The following USP46 variants were observed in gnomAD, a reference collection of about 807,000 sequenced individuals.
USP46 encodes the protein ubiquitin carboxyl-terminal hydrolase 46.
In USP46, 12 loss-of-function variants were observed where a neutral mutation model predicts 44.4. The observed-to-expected ratio is 0.27, with a 90% CI of 0.17 to 0.44. The LOEUF (loss-of-function observed/expected upper bound fraction) is 0.44, where lower values mean the gene tolerates loss of function less well. USP46 is among the 20% of genes least tolerant of loss of function. The pLI, the probability that USP46 is intolerant of heterozygous loss-of-function variation, is 1.00. For missense variants in USP46, 248 were observed against 444.8 expected (o/e 0.56, Z 3.98); for synonymous variants, 155 against 161.5 (o/e 0.96, Z 0.31).
Position 52,594,067 on chromosome 4 carries a change from T to C in USP46, c.*3573A>G, listed in dbSNP as rs1716130781. The C allele has an allele frequency of 6.6e-6, 1 of 152,246 alleles. No individual in the cohort carries two copies. Among genetic ancestry groups the C allele is most frequent in the Non-Finnish European group, 1.5e-5 (1 of 68,042 alleles). The allele number at this position is 152,246 out of a possible 1,614,324, so 9.4% of individuals were successfully genotyped here. ...ACATTTCCACTGCTTCAAAATTGTT[T>C]GTAATAATTACTTGGACATAAGACC... On this transcript the variant is annotated 3_prime_UTR_variant, in exon 9 of 9. Transcript: ENST00000441222.
intron 4 of USP46, among the ~76,000 whole-genome samples, chr4:52,616,160 A>G (rs1717137869): frequency 1.3e-5 from 2 of 152,220 alleles, no homozygotes; most frequent in African/African-American, 2.4e-5. Context: ...ACATCTGACA[A>G]TGTCTGGAAA....
intron 4 of USP46, among the ~76,000 whole-genome samples, chr4:52,614,683 A>T (rs1257754133): frequency 5.3e-5 from 8 of 152,246 alleles, no homozygotes; most frequent in Non-Finnish European, 1.0e-4. Context: ...TGAAATCCAG[A>T]TCCTTAAGAA....
chr4:52,598,173 A>T, intron 8 of USP46, among the ~76,000 whole-genome samples: 1 of 152,262 alleles, frequency 6.6e-6, no homozygotes, highest in East Asian at 1.9e-4. Context: ...TTTTATAACA[A>T]AATCAATACA....
chr4:52,595,082 C>T lies in USP46; in HGVS notation c.*2558G>A, dbSNP rs1190156580. 1.3e-5 allele frequency: 2 copies of T among 152,436 alleles called. No individual in the cohort carries two copies. The allele number at this position is 152,436 out of a possible 1,614,324, so 9.4% of individuals were successfully genotyped here. A position where few individuals can be genotyped will look rare whatever the true frequency, so the allele number is the denominator to read the frequency against. On this transcript the variant is annotated 3_prime_UTR_variant, in exon 9 of 9. Transcript: ENST00000441222. ...TTGTAACTTATTTTGTAACACCCAGCAGTTACAAGAAATACAGCAGGCCTA... is the reference window on the plus strand; with the variant it reads ...TTGTAACTTATTTTGTAACACCCAGTAGTTACAAGAAATACAGCAGGCCTA...
rs1560405923 is a variant in USP46, at chr4:52,632,961, AAAG to A, written c.37-1820_37-1818del. Among the ~76,000 whole-genome samples the A allele has an allele frequency of 5.8e-3, 473 of 80,890 alleles. 5 individuals are homozygous for A. Among genetic ancestry groups the A allele is most frequent in the African/African-American group, 0.026 (437 of 17,086 alleles). The allele number at this position is 80,890 out of a possible 152,430, so 53.1% of individuals were successfully genotyped here. Reference sequence around the variant, plus strand: ...GAAAGAAAGAAAGAAAGAAAGAAAGAAAGAAAGAAAGAAAGAAAGAAAGAAAAG... The same window carrying A: ...GAAAGAAAGAAAGAAAGAAAGAAAGAAAAGAAAGAAAGAAAGAAAGAAAAG... On this transcript the variant is annotated intron_variant, in intron 1 of 8. Transcript: ENST00000441222.
intron 1 of USP46, among the ~76,000 whole-genome samples, chr4:52,639,960 C>T (rs377411007): frequency 6.7e-6 from 1 of 150,186 alleles, no homozygotes; most frequent in African/African-American, 2.5e-5. Context: ...TCCCCTTGAC[C>T]TCCTAAAGTG....
At chr4:52,620,049 C>T (rs1160058544) in intron 4 of USP46, among the ~76,000 whole-genome samples, 1 of 152,158 alleles carries the variant, frequency 6.6e-6, no homozygotes, top group Non-Finnish European at 1.5e-5. Flanking sequence ...ATAACAAATA[C>T]TACAGTATCA....
At chr4:52,601,374 C>T (rs747674197) in intron 7 of USP46, among the ~76,000 whole-genome samples, 33 of 152,190 alleles carry the variant, frequency 2.2e-4, no homozygotes, top group Non-Finnish European at 4.3e-4. Flanking sequence ...ATACTTATTA[C>T]AGAATGTTGG....
Position 52,632,922 on chromosome 4 carries a change from A to AAGAAAGAAAGAAAGAG in USP46, c.37-1779_37-1778insCTCTTTCTTTCTTTCT, listed in dbSNP as rs1344275966. Among the ~76,000 whole-genome samples, 27 of 50,390 alleles carry AAGAAAGAAAGAAAGAG rather than the reference A, an allele frequency of 5.4e-4. 1 individual carries two copies. The highest frequency in any genetic ancestry group is 7.3e-5 in the Non-Finnish European group (2 of 27,234). The allele number at this position is 50,390 out of a possible 152,430, so 33.1% of individuals were successfully genotyped here. A position where few individuals can be genotyped will look rare whatever the true frequency, so the allele number is the denominator to read the frequency against. On this transcript the variant is annotated intron_variant, in intron 1 of 8. Coordinates refer to ENST00000441222, the MANE Select transcript of USP46 (RefSeq NM_022832.4). ...AGGGAAAGAGAAAGAAAGAAAGAGA[A>AAGAAAGAAAGAAAGAG]AGAAAGAAAGAAAGAAAGAAAGAAA...
chr4:52,638,425 A>T (rs1488610085), intron 1 of USP46, among the ~76,000 whole-genome samples: 2 of 151,902 alleles, frequency 1.3e-5, no homozygotes, highest in Non-Finnish European at 2.9e-5. Flanking sequence ...AAGGCTTGTG[A>T]CCTCCAGAAC....
At chr4:52,625,967 C>G (rs1228276573) in intron 4 of USP46, 51 bp downstream of exon 4, 2 of 1,502,410 alleles carry the variant, frequency 1.3e-6, no homozygotes, top group Non-Finnish European at 1.8e-6. Flanking sequence ...TGCAACATAG[C>G]GTACATAAAT....
intron 1 of USP46, among the ~76,000 whole-genome samples, chr4:52,637,594 C>T (rs1009263777): frequency 4.6e-5 from 7 of 152,088 alleles, no homozygotes; most frequent in African/African-American, 1.7e-4. Context: ...CCTATTGCCT[C>T]ACCCTCACTA....
chr4:52,647,811 T>A (rs1718606624), intron 1 of USP46, among the ~76,000 whole-genome samples: 1 of 152,174 alleles, frequency 6.6e-6, no homozygotes, highest in Non-Finnish European at 1.5e-5. Flanking sequence ...GAGTGGTTCT[T>A]ATTTTATAGA....
Position 52,659,258 on chromosome 4 carries a change from G to T in USP46, c.-108C>A, listed in dbSNP as rs1240334431. On this transcript the variant is annotated 5_prime_UTR_variant, in exon 1 of 9. Coordinates refer to ENST00000441222, the MANE Select transcript of USP46 (RefSeq NM_022832.4). This position sits in a 1 kb window ranked among gnomAD's most constrained non-coding sequence, Gnocchi z 4.2. Reference sequence around the variant, plus strand: ...GGCCGGGCGGCAGCGCGGCGGCCTGGGGTCCGGCTTTCAGTTTGGCTGGGA... The same window carrying T: ...GGCCGGGCGGCAGCGCGGCGGCCTGTGGTCCGGCTTTCAGTTTGGCTGGGA... The T allele has an allele frequency of 7.5e-7, 1 of 1,335,666 alleles. No homozygotes were observed. The highest frequency in any genetic ancestry group is 9.9e-7 in the Non-Finnish European group (1 of 1,006,552). 82.7% of individuals were successfully genotyped at this position (1,335,666 alleles called of 1,614,324 possible). A position where few individuals can be genotyped will look rare whatever the true frequency, so the allele number is the denominator to read the frequency against.
At chr4:52,643,046 GA>G (rs1270822917) in intron 1 of USP46, among the ~76,000 whole-genome samples, 1 of 152,130 alleles carries the variant, frequency 6.6e-6, no homozygotes, top group African/African-American at 2.4e-5. Flanking sequence ...TAGGGGAGGA[GA>G]AAACTGGCGA....
chr4:52,632,625 C>T (rs1717877351), intron 1 of USP46, among the ~76,000 whole-genome samples: 1 of 151,950 alleles, frequency 6.6e-6, no homozygotes, highest in African/African-American at 2.4e-5. Context: ...GGTTCGAGAC[C>T]AGCCTGGGCA....
At position 52,594,668 on chromosome 4, in the gene USP46, A is replaced by G. The variant is rs1166902541; in HGVS notation, c.*2972T>C. ...CACTCCAATATCTAAAATAAGCCCT[A>G]AGCTCCAGTTAGAACATAGATCATT... On this transcript the variant is annotated 3_prime_UTR_variant, in exon 9 of 9. Transcript: ENST00000441222. 1 of 152,234 alleles carries G rather than the reference A, an allele frequency of 6.6e-6. No individual in the cohort carries two copies. Among genetic ancestry groups the G allele is most frequent in the African/African-American group, 2.4e-5 (1 of 41,474 alleles). 9.4% of individuals were successfully genotyped at this position (152,234 alleles called of 1,614,324 possible). A position where few individuals can be genotyped will look rare whatever the true frequency, so the allele number is the denominator to read the frequency against.
chr4:52,640,227 C>T (rs1449851315), intron 1 of USP46, among the ~76,000 whole-genome samples: 2 of 152,118 alleles, frequency 1.3e-5, no homozygotes, highest in Non-Finnish European at 2.9e-5. Context: ...AGAGTAATAA[C>T]GTGTTGCATA....
intron 1 of USP46, among the ~76,000 whole-genome samples, chr4:52,657,040 CAA>C (rs959028429): frequency 6.8e-4 from 20 of 29,252 alleles, no homozygotes; most frequent in African/African-American, 1.9e-3. Flanking sequence ...GAGACCTTGT[CAA>C]AAAAAAAAAA....
Sources: gnomAD v4.1 joint callset for allele counts (sites outside exome capture counted in the v4.1 genomes callset) on GRCh38, gnomAD v4.1.1 for gene constraint, Gnocchi (gnomAD v3.1) non-coding constraint, MANE v1.5 for transcripts, NCBI Gene and HGNC (gene_info 2026-07-23, HGNC 2026-07-21) for gene names.